The following RAB9B variants were observed in gnomAD, a reference collection of about 807,000 sequenced individuals.
RAB9B encodes the protein ras-related protein Rab-9B.
Under a neutral mutation model 8.9 loss-of-function variants are expected in RAB9B, and 1 was observed. That is an observed-to-expected ratio of 0.11 (90% CI 0.04 to 0.53). The LOEUF (loss-of-function observed/expected upper bound fraction) is 0.53, where lower values mean the gene tolerates loss of function less well. RAB9B is among the 20% of genes least tolerant of loss of function. The pLI, the probability that RAB9B is intolerant of heterozygous loss-of-function variation, is 0.93. For missense variants in RAB9B, 82 were observed against 152.9 expected, an observed-to-expected ratio of 0.54 and a Z score of 2.45; for synonymous variants, 63 against 57.0, an observed-to-expected ratio of 1.10 and a Z score of -0.47.
At chrX:103,791,140 C>T in the RAB9B span, 2 of 119,196 alleles carry the variant, frequency 1.7e-5, no homozygotes, top group African/African-American at 6.5e-5. Flanking sequence ...CCCAAATCTG[C>T]CTATTGCAGC....
the RAB9B span, among the ~76,000 whole-genome samples, chrX:103,812,009 G>A: frequency 3.7e-5 from 4 of 108,442 alleles, no homozygotes; most frequent in East Asian, 8.8e-4. Context: ...TATGGAAAGC[G>A]GGGGCAAGGA....
chrX:103,794,603 G>C, the RAB9B span, among the ~76,000 whole-genome samples: 1 of 112,069 alleles, frequency 8.9e-6, no homozygotes, highest in South Asian at 3.8e-4. Flanking sequence ...CAACAAAAAA[G>C]ATACCAAGTC....
At chrX:103,811,284 G>A in the RAB9B span, among the ~76,000 whole-genome samples, 4 of 112,158 alleles carry the variant, frequency 3.6e-5, no homozygotes, top group Non-Finnish European at 7.5e-5. Context: ...CTATGAGGAA[G>A]TAAAAGTGAA....
downstream of RAB9B, among the ~76,000 whole-genome samples, chrX:103,820,081 G>C (rs895470180): frequency 8.9e-6 from 1 of 111,745 alleles, no homozygotes; most frequent in African/African-American, 3.3e-5. Flanking sequence ...TGCCATCTGT[G>C]AACCAGAAAT....
the RAB9B span, chrX:103,789,446 T>C: frequency 6.4e-6 from 6 of 937,486 alleles, no homozygotes; most frequent in South Asian, 1.9e-5. Context: ...CCTGAGATAG[T>C]GTGGGTACAG....
At position 103,822,494 on chromosome X, in the gene RAB9B, T is replaced by C. The variant is rs1227590794; in HGVS notation, c.*2685A>G. 1.8e-5 allele frequency: 2 copies of C among 111,418 alleles called. No individual in the cohort carries two copies. Among genetic ancestry groups the C allele is most frequent in the African/African-American group, 6.5e-5 (2 of 30,665 alleles). The allele number at this position is 111,418 out of a possible 1,213,427, so 9.2% of individuals were successfully genotyped here. On this transcript the variant is annotated 3_prime_UTR_variant, in exon 3 of 3. Coordinates refer to ENST00000243298, the MANE Select transcript of RAB9B (RefSeq NM_016370.4). ...AGAGATGGCTGGGGCAGGCACAAAT[T>C]AACCTGATATTCATCAATCCACTGA...
chrX:103,785,586 G>A, the RAB9B span: 1 of 1,209,148 alleles, frequency 8.3e-7, no homozygotes, highest in Admixed American at 2.2e-5. Context: ...CCCCAGGCTT[G>A]TTAGAGTGCT....
chrX:103,781,691 A>T, the RAB9B span, among the ~76,000 whole-genome samples: 1 of 112,478 alleles, frequency 8.9e-6, no homozygotes, highest in Non-Finnish European at 1.9e-5. Context: ...TGAAAGAAAA[A>T]CACTGGAGGG....
At chrX:103,817,632 TATAA>T (rs1345354923), downstream of RAB9B, among the ~76,000 whole-genome samples, 1 of 110,118 alleles carries the variant, frequency 9.1e-6, no homozygotes, top group East Asian at 2.8e-4. Flanking sequence ...CACACATATA[TATAA>T]GTTTAGTCTA....
chrX:103,785,422 A>G, the RAB9B span, among the ~76,000 whole-genome samples: 2 of 112,198 alleles, frequency 1.8e-5, no homozygotes, highest in Admixed American at 1.9e-4. Context: ...TTCTGGGTCA[A>G]TCTCACATGC....
chrX:103,814,979 T>G, the RAB9B span, among the ~76,000 whole-genome samples: 3 of 111,826 alleles, frequency 2.7e-5, no homozygotes, highest in African/African-American at 9.7e-5. Flanking sequence ...CAGGACTAGA[T>G]GGATTCACAG....
chrX:103,808,577 C>T, the RAB9B span, among the ~76,000 whole-genome samples: 2 of 112,645 alleles, frequency 1.8e-5, no homozygotes, highest in African/African-American at 3.2e-5. Context: ...CATGACCCAC[C>T]CCTCGTTTTC....
At chrX:103,814,956 C>G in the RAB9B span, among the ~76,000 whole-genome samples, 1 of 111,441 alleles carries the variant, frequency 9.0e-6, no homozygotes, top group East Asian at 2.8e-4. Flanking sequence ...AGCCTACCAA[C>G]CAAAAAAAAG....
rs2074674882 is a variant in RAB9B at position 103,824,341 on chromosome X, C to T, written c.*838G>A. On this transcript the variant is annotated 3_prime_UTR_variant, in exon 3 of 3. Transcript: ENST00000243298. ...GACCATCTAAATGATGAGCAGAGAG[C>T]ACTGCATCCAAATTCATATACTAAG... The T allele has an allele frequency of 8.9e-6, 1 of 112,345 alleles. No homozygotes were observed. Among genetic ancestry groups the T allele is most frequent in the Non-Finnish European group, 1.9e-5 (1 of 53,323 alleles). 9.3% of individuals were successfully genotyped at this position (112,345 alleles called of 1,213,427 possible).
the RAB9B span, among the ~76,000 whole-genome samples, chrX:103,782,749 C>T: frequency 1.1e-4 from 12 of 109,760 alleles, no homozygotes; most frequent in Admixed American, 2.9e-4. Flanking sequence ...TTCTTACCCT[C>T]GGCTAAACAA....
At chrX:103,827,844 T>A (rs1433345573) in intron 1 of RAB9B, among the ~76,000 whole-genome samples, 1 of 110,244 alleles carries the variant, frequency 9.1e-6, no homozygotes, top group Non-Finnish European at 1.9e-5. Flanking sequence ...GTTTTGTAGT[T>A]TTTGTAGAGA....
chrX:103,803,059 C>T, the RAB9B span, among the ~76,000 whole-genome samples: 2 of 111,632 alleles, frequency 1.8e-5, no homozygotes, highest in Non-Finnish European at 3.8e-5. Flanking sequence ...AATATATATT[C>T]GATTGCATGG....
the RAB9B span, among the ~76,000 whole-genome samples, chrX:103,809,652 G>A: frequency 8.9e-6 from 1 of 111,949 alleles, no homozygotes; most frequent in Middle Eastern, 4.6e-3. Flanking sequence ...ATTGCTGCCT[G>A]AGCTGACTAA....
At chrX:103,800,683 T>C in the RAB9B span, among the ~76,000 whole-genome samples, 2 of 112,078 alleles carry the variant, frequency 1.8e-5, no homozygotes, top group Non-Finnish European at 1.9e-5. Flanking sequence ...AGCTCTTTAC[T>C]CATTTTAATG....
Sources: gnomAD v4.1 joint callset for allele counts (sites outside exome capture counted in the v4.1 genomes callset) on GRCh38, gnomAD v4.1.1 for gene constraint, MANE v1.5 for transcripts, NCBI Gene and HGNC (gene_info 2026-07-23, HGNC 2026-07-21) for gene names.